CTNNA2: variants seen among roughly 807,000 people sequenced by gnomAD.
CTNNA2 encodes the protein catenin alpha 2, also known as catenin alpha-2.
In CTNNA2, 42 loss-of-function variants were observed where a neutral mutation model predicts 101.0. The observed-to-expected ratio is 0.42, with a 90% confidence interval of 0.32 to 0.54. CTNNA2 has a LOEUF of 0.54. Ranked by LOEUF, CTNNA2 falls within the 20% of genes least tolerant of loss-of-function variation. The probability of loss-of-function intolerance (pLI) is 0.14; values close to 1 mark genes in which losing one functional copy is unlikely to be tolerated. For synonymous variants in CTNNA2, 450 were observed against 456.4 expected (o/e 0.99, Z 0.18); for missense variants, 871 against 1,223.1 (o/e 0.71, Z 4.29).
chr2:80,280,538 C>G (rs985302303), intron 7 of CTNNA2, among the ~76,000 whole-genome samples: 1 of 151,752 alleles, frequency 6.6e-6, no homozygotes, highest in African/African-American at 2.4e-5. Context: ...TACAATCTTG[C>G]GCTGATCTTA....
Position 79,230,634 on chromosome 2 carries a change from G to T in CTNNA2, c.-406+32558G>T, listed in dbSNP as rs369651616. Among the ~76,000 whole-genome samples, 17 of 152,300 alleles carry T rather than the reference G, an allele frequency of 1.1e-4. No individual in the cohort carries two copies. In the East Asian group the frequency reaches 1.6e-3, roughly 14 times the overall value. ...CTGGGGCACCATCTAGTGGAGCTGT[G>T]AGAAGAGGGCCACCATCCTCCAGAC... On this transcript the variant is annotated intron_variant, in intron 2 of 21. Coordinates refer to the CTNNA2 transcript ENST00000466387.
intron 7 of CTNNA2, among the ~76,000 whole-genome samples, chr2:80,014,146 A>T (rs1221477059): frequency 6.6e-6 from 1 of 152,196 alleles, no homozygotes; most frequent in Non-Finnish European, 1.5e-5. Flanking sequence ...TTTATTGCTC[A>T]TTGACTGGTA....
At chr2:79,992,569 C>A (rs1231691678) in intron 7 of CTNNA2, among the ~76,000 whole-genome samples, 2 of 152,084 alleles carry the variant, frequency 1.3e-5, no homozygotes, top group African/African-American at 2.4e-5. Flanking sequence ...GTAGCTCAGA[C>A]CTAATGTAAG....
chr2:79,436,313 C>T (rs1678712961), intron 4 of CTNNA2, among the ~76,000 whole-genome samples: 1 of 152,170 alleles, frequency 6.6e-6, no homozygotes, highest in Non-Finnish European at 1.5e-5. Flanking sequence ...GAGGCAGTCA[C>T]AAGACAATAG....
chr2:79,630,627 CTTTG>C (rs928168063), intron 1 of CTNNA2, among the ~76,000 whole-genome samples: 9 of 152,148 alleles, frequency 5.9e-5, no homozygotes, highest in Non-Finnish European at 8.8e-5. Flanking sequence ...TTTGGGATAA[CTTTG>C]TTTATTTGTA....
chr2:79,443,120 C>G (rs1396289701), intron 4 of CTNNA2, among the ~76,000 whole-genome samples: 1 of 152,044 alleles, frequency 6.6e-6, no homozygotes, highest in Non-Finnish European at 1.5e-5. Context: ...AGAAACAGAA[C>G]AAATAGAATA....
intron 2 of CTNNA2, among the ~76,000 whole-genome samples, chr2:79,723,547 T>C (rs966616341): frequency 6.6e-6 from 1 of 152,204 alleles, no homozygotes; most frequent in African/African-American, 2.4e-5. Context: ...GGCCTGTTTA[T>C]AACAGGAAGA....
chr2:79,449,488 T>C (rs1170899253), intron 4 of CTNNA2, among the ~76,000 whole-genome samples: 4 of 151,912 alleles, frequency 2.6e-5, no homozygotes, highest in Non-Finnish European at 5.9e-5. Context: ...TTGCAAGAAA[T>C]ACTCATTCAA....
intron 1 of CTNNA2, among the ~76,000 whole-genome samples, chr2:79,638,430 A>G (rs1409601523): frequency 6.6e-6 from 1 of 152,226 alleles, no homozygotes; most frequent in African/African-American, 2.4e-5. Flanking sequence ...AGGAGTATAT[A>G]TGCTGAACAC....
chr2:80,024,481 T>G (rs1397167890), intron 7 of CTNNA2, among the ~76,000 whole-genome samples: 2 of 152,170 alleles, frequency 1.3e-5, no homozygotes, highest in Non-Finnish European at 2.9e-5. Context: ...GAAGGTGAGA[T>G]GGGATAGTTC....
At chr2:79,717,013 AT>A (rs34968381) in intron 2 of CTNNA2, among the ~76,000 whole-genome samples, 25,812 of 152,126 alleles carry the variant, frequency 0.17, 2,472 homozygotes, top group Middle Eastern at 0.23. Context: ...AGATTGAATA[AT>A]TAAGGGATAT....
intron 7 of CTNNA2, among the ~76,000 whole-genome samples, chr2:80,134,252 A>G (rs1702567526): frequency 6.6e-6 from 1 of 152,160 alleles, no homozygotes; most frequent in Admixed American, 6.6e-5. Flanking sequence ...TGAGAAACAC[A>G]GAGCAAGAAG....
chr2:79,529,192 G>A (rs574721513), intron 1 of CTNNA2, among the ~76,000 whole-genome samples: 6 of 152,150 alleles, frequency 3.9e-5, no homozygotes, highest in African/African-American at 1.4e-4. Context: ...GTGCATAGAG[G>A]AGGGATGAGG....
Position 80,302,491 on chromosome 2 carries a change from G to C in CTNNA2, c.1057-90720G>C, listed in dbSNP as rs140965354. On this transcript the variant is annotated intron_variant, in intron 7 of 18. Coordinates refer to ENST00000402739, the MANE Select transcript of CTNNA2 (RefSeq NM_001282597.3). This position sits in a 1 kb window ranked among gnomAD's most constrained non-coding sequence, Gnocchi z 6.4. The stretch of plus-strand genomic sequence containing the variant: ...ACTTCCAGGACACGTAGAGCACCAG[G>C]ACCACGATGAGGAAGGAGAAGATGA... 6.2e-7 allele frequency: 1 copy of C among 1,613,822 alleles called. No homozygotes were observed. The highest frequency in any genetic ancestry group is 2.2e-5 in the East Asian group (1 of 44,882).
chr2:79,964,804 C>G (rs1232790034), intron 7 of CTNNA2, among the ~76,000 whole-genome samples: 1 of 152,130 alleles, frequency 6.6e-6, no homozygotes, highest in Admixed American at 6.5e-5. Context: ...TTCATTTTAC[C>G]TGATTCTTTT....
intron 4 of CTNNA2, among the ~76,000 whole-genome samples, chr2:79,403,846 G>A (rs1167364154): frequency 6.6e-6 from 1 of 151,954 alleles, no homozygotes; most frequent in East Asian, 1.9e-4. Context: ...CATAGTTGTT[G>A]TGGAAAGCAT....
At chr2:80,243,531 C>CT (rs968520139) in intron 7 of CTNNA2, among the ~76,000 whole-genome samples, 1 of 152,064 alleles carries the variant, frequency 6.6e-6, no homozygotes, top group African/African-American at 2.4e-5. Context: ...AATATGCACT[C>CT]TTTTTGTTTT....
chr2:80,471,353 C>T (rs1685290113), intron 9 of CTNNA2, among the ~76,000 whole-genome samples: 1 of 152,118 alleles, frequency 6.6e-6, no homozygotes, highest in African/African-American at 2.4e-5. Flanking sequence ...GAACTCTTAC[C>T]TTTGTTTGTG....
At chr2:79,378,381 A>G (rs1678002312) in intron 4 of CTNNA2, among the ~76,000 whole-genome samples, 1 of 152,174 alleles carries the variant, frequency 6.6e-6, no homozygotes, top group African/African-American at 2.4e-5. Context: ...GTAAATAAAT[A>G]TACATGTATT....
Sources: gnomAD v4.1 joint callset for allele counts (sites outside exome capture counted in the v4.1 genomes callset) on GRCh38, gnomAD v4.1.1 for gene constraint, Gnocchi (gnomAD v3.1) non-coding constraint, MANE v1.5 for transcripts, NCBI Gene and HGNC (gene_info 2026-07-23, HGNC 2026-07-21) for gene names.